The following RBPJ variants were observed in gnomAD, a reference collection of about 807,000 sequenced individuals.
RBPJ encodes the protein recombining binding protein suppressor of hairless.
Under a neutral mutation model 67.8 loss-of-function variants are expected in RBPJ, and 9 were observed. The ratio of observed to expected loss-of-function variants is 0.13; its 90% CI spans 0.08 to 0.23. RBPJ has a LOEUF of 0.23. Ranked by LOEUF, RBPJ falls within the 10% of genes least tolerant of loss-of-function variation. The pLI is 1.00. For synonymous variants in RBPJ, 198 were observed against 203.3 expected (o/e 0.97, Z 0.22); for missense variants, 305 against 595.6 (o/e 0.51, Z 5.08).
intron 2 of RBPJ, among the ~76,000 whole-genome samples, chr4:26,393,239 GC>G (rs1731722350): frequency 6.6e-6 from 1 of 152,120 alleles, no homozygotes; most frequent in Non-Finnish European, 1.5e-5. Context: ...GGCAAATTTA[GC>G]AAAATTTGTA....
At chr4:26,320,798 G>A (rs1303019210), upstream of RBPJ, 18 of 1,556,144 alleles carry the variant, frequency 1.2e-5, no homozygotes, top group African/African-American at 2.7e-5. Context: ...AGCCGCCTGC[G>A]CATGCTCCAT....
At chr4:26,280,415 A>C (rs1344495962) in intron 1 of RBPJ, among the ~76,000 whole-genome samples, 1 of 148,348 alleles carries the variant, frequency 6.7e-6, no homozygotes, top group African/African-American at 2.5e-5. Flanking sequence ...AAAAAAAAAA[A>C]AGAGAGAGAG....
At chr4:26,419,339 C>G (rs980801772) in intron 4 of RBPJ, among the ~76,000 whole-genome samples, 1 of 152,200 alleles carries the variant, frequency 6.6e-6, no homozygotes, top group Non-Finnish European at 1.5e-5. Context: ...AGCAAAACCT[C>G]TCAAAGCTTT....
intron 1 of RBPJ, among the ~76,000 whole-genome samples, chr4:26,187,539 ATATAAT>A (rs1351550295): frequency 1.3e-5 from 2 of 152,224 alleles, no homozygotes; most frequent in East Asian, 1.9e-4. Context: ...TAACTCTGAG[ATATAAT>A]TATAATATTT....
At chr4:26,338,091 TG>T (rs1308853611) in intron 1 of RBPJ, among the ~76,000 whole-genome samples, 1 of 150,236 alleles carries the variant, frequency 6.7e-6, no homozygotes, top group Non-Finnish European at 1.5e-5. Flanking sequence ...TGTGTTTTTT[TG>T]TTGTTTTTTT....
intron 1 of RBPJ, among the ~76,000 whole-genome samples, chr4:26,181,873 G>A (rs1462343960): frequency 6.6e-6 from 1 of 152,232 alleles, no homozygotes; most frequent in Admixed American, 6.5e-5. Flanking sequence ...GAGTCAGTGA[G>A]TGAGTGAGTG....
chr4:26,141,531 A>G, the RBPJ span, among the ~76,000 whole-genome samples: 1 of 152,192 alleles, frequency 6.6e-6, no homozygotes. Context: ...CTGACACATA[A>G]TTGCACATAT....
chr4:26,408,518 C>G (rs1353083135), intron 3 of RBPJ, among the ~76,000 whole-genome samples: 1 of 151,772 alleles, frequency 6.6e-6, no homozygotes, highest in Non-Finnish European at 1.5e-5. Context: ...TAACACCCAT[C>G]ATTATGGAGG....
Position 26,184,181 on chromosome 4 carries a change from CAAAAAAAA to C in RBPJ, c.-167+20575_-167+20582del, listed in dbSNP as rs150415692. The stretch of plus-strand genomic sequence containing the variant: ...TGGGTGACAAAGTGAGACTTCATCT[CAAAAAAAA>C]AAAAAAAGAAAGAAAAAAAATGTAT... On this transcript the variant is annotated intron_variant, in intron 1 of 4. Transcript: ENST00000512351. Among the ~76,000 whole-genome samples, 325 of 89,886 alleles carry C rather than the reference CAAAAAAAA, an allele frequency of 3.6e-3. 5 individuals are homozygous for C. The highest frequency in any genetic ancestry group is 0.011 in the African/African-American group (302 of 27,166). The allele number at this position is 89,886 out of a possible 152,430, so 59.0% of individuals were successfully genotyped here.
At position 26,251,318 on chromosome 4, in the gene RBPJ, C is replaced by A. The variant is rs536494745; in HGVS notation, c.-167+87704C>A. Among the ~76,000 whole-genome samples the A allele has an allele frequency of 1.2e-4, 18 of 152,050 alleles. No homozygotes were observed. In the East Asian group the frequency reaches 3.5e-3, roughly 30 times the overall value. ...GATAAAAGTGGTAGCAAAACTGGACCAGCACAGTAGCAAAAAGCCAAATAA... is the reference window on the plus strand; with the variant it reads ...GATAAAAGTGGTAGCAAAACTGGACAAGCACAGTAGCAAAAAGCCAAATAA... On this transcript the variant is annotated intron_variant, in intron 1 of 4. Coordinates refer to the RBPJ transcript ENST00000512351.
At chr4:26,362,693 A>T in intron 1 of RBPJ, 2 of 1,238,970 alleles carry the variant, frequency 1.6e-6, no homozygotes, top group Non-Finnish European at 2.4e-6. Context: ...ATGATTCTGT[A>T]TTTAGTTAAT....
chr4:26,213,192 G>A (rs1718493981), intron 1 of RBPJ, among the ~76,000 whole-genome samples: 2 of 152,128 alleles, frequency 1.3e-5, no homozygotes, highest in African/African-American at 4.8e-5. Flanking sequence ...AAGTTCCAGA[G>A]GTCCTGAAAT....
At chr4:26,144,561 C>A in the RBPJ span, among the ~76,000 whole-genome samples, 3,329 of 152,244 alleles carry the variant, frequency 0.022, 132 homozygotes, top group African/African-American at 0.076. Flanking sequence ...TGAGTCACTG[C>A]ACCCAGCCTA....
rs111775955 is a variant in RBPJ, at chr4:26,276,698, A to G, written c.-166-85748A>G. On this transcript the variant is annotated intron_variant, in intron 1 of 4. Transcript: ENST00000512351. Reference sequence around the variant, plus strand: ...ATCATTTAAATGAGAAAGAAAAAAAATCCTTCTCTTTTCTTCACCATGACA... The same window carrying G: ...ATCATTTAAATGAGAAAGAAAAAAAGTCCTTCTCTTTTCTTCACCATGACA... Among the ~76,000 whole-genome samples, 1,461 of 152,332 alleles carry G rather than the reference A, an allele frequency of 9.6e-3. 17 individuals carry two copies. Among genetic ancestry groups the G allele is most frequent in the African/African-American group, 0.033 (1,355 of 41,558 alleles).
intron 1 of RBPJ, among the ~76,000 whole-genome samples, chr4:26,221,153 C>T (rs1300252635): frequency 6.6e-6 from 1 of 152,150 alleles, no homozygotes; most frequent in Non-Finnish European, 1.5e-5. Flanking sequence ...TGCGGTGGCG[C>T]GATCTCGGCT....
upstream of RBPJ, among the ~76,000 whole-genome samples, chr4:26,158,947 CT>C (rs1716026802): frequency 1.9e-5 from 1 of 51,402 alleles, no homozygotes; most frequent in African/African-American, 6.8e-5. Flanking sequence ...CTCTCTCTTT[CT>C]CTCTCTCTCT....
chr4:26,283,966 G>A (rs1195365029), intron 1 of RBPJ, among the ~76,000 whole-genome samples: 1 of 152,094 alleles, frequency 6.6e-6, no homozygotes, highest in Non-Finnish European at 1.5e-5. Flanking sequence ...TGATTTTTAT[G>A]GTTTGGAAGG....
chr4:26,327,955 T>C (rs1723815613), intron 1 of RBPJ, among the ~76,000 whole-genome samples: 1 of 152,212 alleles, frequency 6.6e-6, no homozygotes, highest in African/African-American at 2.4e-5. Flanking sequence ...TTTTTTAAAA[T>C]AATGTGAACA....
chr4:26,430,443 A>G lies in RBPJ; in HGVS notation c.1069A>G (p.Met357Val). The change falls in exon 10 of 11, where the codon ATG becomes GTG. Residue 357 changes from methionine to valine, a missense_variant. By Grantham distance (21) the Met-to-Val change is conservative (BLOSUM62 1). Coordinates refer to ENST00000355476, the MANE Select transcript of RBPJ (RefSeq NM_015874.6). The surrounding 1 kb of genome is among the most constrained non-coding windows in gnomAD (Gnocchi z 4.1). ...LQLNGGGDVAMLELTGQNFTP... is the reference protein window; with the variant it reads ...LQLNGGGDVAVLELTGQNFTP... The stretch of plus-strand genomic sequence containing the variant: ...GTTGAATGGCGGTGGGGACGTAGCA[A>G]TGCTTGAACTTACAGGACAGAATTT... The G allele has an allele frequency of 6.2e-7, 1 of 1,611,490 alleles. No individual in the cohort carries two copies. The highest frequency in any genetic ancestry group is 8.5e-7 in the Non-Finnish European group (1 of 1,179,320).
Sources: gnomAD v4.1 joint callset for allele counts (sites outside exome capture counted in the v4.1 genomes callset) on GRCh38, gnomAD v4.1.1 for gene constraint, Gnocchi (gnomAD v3.1) non-coding constraint, MANE v1.5 for transcripts, NCBI Gene and HGNC (gene_info 2026-07-23, HGNC 2026-07-21) for gene names.